The following TDRD7 variants were observed in gnomAD, a reference collection of about 807,000 sequenced individuals.
The protein encoded by TDRD7 is tudor domain-containing protein 7.
A neutral mutation model predicts 109.8 loss-of-function variants in TDRD7; 47 were observed. The ratio of observed to expected loss-of-function variants is 0.43; its 90% CI spans 0.34 to 0.55. The LOEUF (loss-of-function observed/expected upper bound fraction) is 0.55. Ranked by LOEUF, TDRD7 falls within the 20% of genes least tolerant of loss-of-function variation. The probability of loss-of-function intolerance (pLI) is 0.03; values close to 1 mark genes in which losing one functional copy is unlikely to be tolerated. For synonymous variants in TDRD7, 424 were observed against 457.3 expected (o/e 0.93, Z 0.93); for missense variants, 1,164 against 1,319.2 (o/e 0.88, Z 1.82).
intron 8 of TDRD7, among the ~76,000 whole-genome samples, chr9:97,465,982 G>A (rs548674068): frequency 3.9e-5 from 6 of 152,252 alleles, no homozygotes; most frequent in African/African-American, 1.2e-4. Context: ...TATACAGAGC[G>A]CTCTTGGACT....
At chr9:97,478,689 G>T (rs1393385559) in intron 13 of TDRD7, 116 bp downstream of exon 13, 2 of 1,469,654 alleles carry the variant, frequency 1.4e-6, no homozygotes, top group Non-Finnish European at 1.9e-6. Flanking sequence ...ATTGGAAATT[G>T]TCCAAATGTG....
intron 15 of TDRD7, among the ~76,000 whole-genome samples, chr9:97,483,587 T>G (rs1181354546): frequency 6.6e-6 from 1 of 152,104 alleles, no homozygotes; most frequent in Non-Finnish European, 1.5e-5. Flanking sequence ...TGTTTAAATA[T>G]TTTTTCTATT....
chr9:97,414,948 C>T (rs78810272), intron 1 of TDRD7, among the ~76,000 whole-genome samples: 10,462 of 152,186 alleles, frequency 0.069, 551 homozygotes, highest in African/African-American at 0.15. Context: ...TTAGCCTAGA[C>T]GATGCCTAAA....
At chr9:97,473,652 A>C (rs1467292472) in intron 11 of TDRD7, 26 bp downstream of exon 11, 5 of 1,613,224 alleles carry the variant, frequency 3.1e-6, no homozygotes, top group Non-Finnish European at 4.2e-6. Flanking sequence ...TTCTACCTCT[A>C]AAATTAGCCC....
At chr9:97,444,328 A>T (rs951540342) in intron 6 of TDRD7, among the ~76,000 whole-genome samples, 3 of 152,224 alleles carry the variant, frequency 2.0e-5, no homozygotes, top group Admixed American at 6.5e-5. Flanking sequence ...GTCAAGTGGG[A>T]TGCCAGAAAA....
intron 2 of TDRD7, among the ~76,000 whole-genome samples, chr9:97,430,339 A>G (rs1038042697): frequency 1.3e-5 from 2 of 152,134 alleles, no homozygotes; most frequent in African/African-American, 2.4e-5. Flanking sequence ...ATAGAACTCT[A>G]TGGCTCCCAT....
intron 6 of TDRD7, among the ~76,000 whole-genome samples, chr9:97,449,478 G>A (rs540173228): frequency 1.3e-5 from 2 of 152,268 alleles, no homozygotes; most frequent in African/African-American, 4.8e-5. Flanking sequence ...GTGGCTCGCA[G>A]AACTCAGGCA....
At chr9:97,461,588 A>T (rs1828725462) in intron 7 of TDRD7, among the ~76,000 whole-genome samples, 1 of 152,268 alleles carries the variant, frequency 6.6e-6, no homozygotes, top group Non-Finnish European at 1.5e-5. Context: ...ATAACAAAAA[A>T]CAGTACAGCT....
At chr9:97,425,498 A>G (rs1313163124) in intron 1 of TDRD7, among the ~76,000 whole-genome samples, 1 of 152,164 alleles carries the variant, frequency 6.6e-6, no homozygotes, top group African/African-American at 2.4e-5. Flanking sequence ...GGTGTGTACT[A>G]GGCTATACCA....
chr9:97,445,011 G>A (rs930969666), intron 6 of TDRD7, among the ~76,000 whole-genome samples: 3 of 152,234 alleles, frequency 2.0e-5, no homozygotes, highest in Non-Finnish European at 4.4e-5. Context: ...GGTCTGTCCA[G>A]TAGCAAAATG....
At chr9:97,418,341 C>T (rs1187068620) in intron 1 of TDRD7, among the ~76,000 whole-genome samples, 1 of 152,042 alleles carries the variant, frequency 6.6e-6, no homozygotes, top group African/African-American at 2.4e-5. Context: ...TAATTTTCTT[C>T]CAAGAGTCTC....
Position 97,473,505 on chromosome 9 carries a change from A to G in TDRD7, c.1958A>G (p.Tyr653Cys). The change falls in exon 11 of 17, where the codon TAC (tyrosine) becomes TGC (cysteine). Residue 653 changes from tyrosine to cysteine, a missense_variant. Tyr to Cys is a radical substitution (Grantham distance 194). Around this residue, in one of 5 missense-constraint regions of TDRD7, gnomAD observed 261 missense variants for 336.2 expected, o/e 0.78. Coordinates refer to ENST00000355295, the MANE Select transcript of TDRD7 (RefSeq NM_014290.3). ...LEVHLQVDAM[Y>C]TNVKVTNICS... The stretch of plus-strand genomic sequence containing the variant: ...TGTCTGTTATAGGTTGACGCCATGT[A>G]CACAAATGTCAAAGTAACTAATATT... 6.2e-7 allele frequency: 1 copy of G among 1,613,716 alleles called. No individual in the cohort carries two copies. Among genetic ancestry groups the G allele is most frequent in the Non-Finnish European group, 8.5e-7 (1 of 1,179,684 alleles).
chr9:97,419,521 A>G (rs1281933864), intron 1 of TDRD7, among the ~76,000 whole-genome samples: 2 of 152,346 alleles, frequency 1.3e-5, no homozygotes, highest in South Asian at 2.1e-4. Context: ...ACATCTGGCA[A>G]CCGTGAAGTA....
chr9:97,487,872 C>T (rs1215498219), intron 16 of TDRD7, among the ~76,000 whole-genome samples: 1 of 152,098 alleles, frequency 6.6e-6, no homozygotes, highest in Non-Finnish European at 1.5e-5. Context: ...AATTATAATA[C>T]ATCTACATAA....
chr9:97,487,413 C>A, intron 16 of TDRD7, 81 bp downstream of exon 16: 1 of 1,584,284 alleles, frequency 6.3e-7, no homozygotes, highest in Non-Finnish European at 8.7e-7. Flanking sequence ...AGTACTGAAT[C>A]ATTGGCCTCT....
At chr9:97,491,464 T>C (rs1191045066) in intron 16 of TDRD7, among the ~76,000 whole-genome samples, 1 of 152,246 alleles carries the variant, frequency 6.6e-6, no homozygotes, top group Non-Finnish European at 1.5e-5. Context: ...TAGTTCTTTG[T>C]TGAAAGGTGG....
chr9:97,467,354 C>G (rs543305308), intron 8 of TDRD7, among the ~76,000 whole-genome samples: 1 of 152,342 alleles, frequency 6.6e-6, no homozygotes, highest in Admixed American at 6.5e-5. Flanking sequence ...TTTCCTCCCT[C>G]CCTCCTTCTA....
At chr9:97,445,649 A>G (rs1338410516) in intron 6 of TDRD7, among the ~76,000 whole-genome samples, 2 of 152,218 alleles carry the variant, frequency 1.3e-5, no homozygotes, top group African/African-American at 4.8e-5. Flanking sequence ...ATAGAAAAGC[A>G]TAGTATTTTC....
At chr9:97,439,354 C>T in intron 5 of TDRD7, 36 bp downstream of exon 5, 4 of 1,549,190 alleles carry the variant, frequency 2.6e-6, no homozygotes, top group African/African-American at 1.4e-5. Flanking sequence ...TACATATTGG[C>T]TTCCGGAGTC....
Sources: gnomAD v4.1 joint callset for allele counts (sites outside exome capture counted in the v4.1 genomes callset) on GRCh38, gnomAD v4.1.1 for gene constraint, gnomAD v4.1.1 regional missense constraint, MANE v1.5 for transcripts, NCBI Gene and HGNC (gene_info 2026-07-23, HGNC 2026-07-21) for gene names.